The following FAM168A variants were observed in gnomAD, a reference collection of about 807,000 sequenced individuals.
FAM168A encodes the protein family with sequence similarity 168 member A.
A neutral mutation model predicts 28.5 loss-of-function variants in FAM168A; 3 were observed. That is an observed-to-expected ratio of 0.11 (90% CI 0.05 to 0.27). The LOEUF is 0.27. Ranked by LOEUF, FAM168A falls within the 10% of genes least tolerant of loss-of-function variation. The pLI is 1.00. For synonymous variants in FAM168A, 122 were observed against 124.2 expected (o/e 0.98, Z 0.12); for missense variants, 222 against 311.5 (o/e 0.71, Z 2.16).
intron 3 of FAM168A, among the ~76,000 whole-genome samples, chr11:73,422,400 A>G (rs966556007): frequency 5.3e-5 from 8 of 152,228 alleles, no homozygotes; most frequent in Non-Finnish European, 1.0e-4. Context: ...TATAATTTAC[A>G]TAACTAGATA....
intron 2 of FAM168A, among the ~76,000 whole-genome samples, chr11:73,436,549 A>T (rs986971722): frequency 2.0e-5 from 3 of 152,176 alleles, no homozygotes; most frequent in African/African-American, 7.2e-5. Flanking sequence ...TTCTCTCAAG[A>T]TAATAAAGAA....
intron 1 of FAM168A, among the ~76,000 whole-genome samples, chr11:73,496,903 A>ACACACACACACACACACG (rs1555027763): frequency 4.7e-5 from 7 of 148,604 alleles, no homozygotes; most frequent in African/African-American, 1.8e-4. Context: ...ACACACACAC[A>ACACACACACACACACACG]CACGCACACA....
chr11:73,417,228 TGA>T (rs1373462110), intron 4 of FAM168A, among the ~76,000 whole-genome samples: 1 of 152,340 alleles, frequency 6.6e-6, no homozygotes, highest in African/African-American at 2.4e-5. Flanking sequence ...ATCATCTTGC[TGA>T]GAGATAAGGA....
intron 2 of FAM168A, among the ~76,000 whole-genome samples, chr11:73,464,766 TTG>T (rs1174307375): frequency 6.6e-6 from 1 of 152,230 alleles, no homozygotes; most frequent in Non-Finnish European, 1.5e-5. Flanking sequence ...TATTTTCTAA[TTG>T]TGTTTTGGAA....
intron 1 of FAM168A, 70 bp from the exon 2 acceptor site, chr11:73,468,562 A>G: frequency 1.6e-6 from 2 of 1,256,364 alleles, no homozygotes; most frequent in Non-Finnish European, 2.3e-6. Context: ...CTTCTCCTCC[A>G]TAATCTTCAG....
intron 1 of FAM168A, among the ~76,000 whole-genome samples, chr11:73,555,484 C>A (rs1590851947): frequency 6.6e-6 from 1 of 151,770 alleles, no homozygotes; most frequent in East Asian, 1.9e-4. Context: ...GCGGGTGGAT[C>A]TCTTGAGGTC....
intron 1 of FAM168A, among the ~76,000 whole-genome samples, chr11:73,587,998 C>T (rs1465211365): frequency 6.6e-6 from 1 of 152,160 alleles, no homozygotes; most frequent in Non-Finnish European, 1.5e-5. Context: ...GATCCACCCA[C>T]CTCGGCCTCC....
At chr11:73,494,054 C>T (rs1171813980) in intron 1 of FAM168A, among the ~76,000 whole-genome samples, 1 of 152,116 alleles carries the variant, frequency 6.6e-6, no homozygotes, top group Non-Finnish European at 1.5e-5. Flanking sequence ...CTATGGAGTG[C>T]CCCACTGGCT....
At chr11:73,569,053 G>C (rs756548852) in intron 1 of FAM168A, among the ~76,000 whole-genome samples, 10 of 152,104 alleles carry the variant, frequency 6.6e-5, no homozygotes, top group Non-Finnish European at 1.3e-4. Context: ...AAATGCTTAA[G>C]TGTAATCCCT....
At chr11:73,583,930 G>A (rs1053877543) in intron 1 of FAM168A, among the ~76,000 whole-genome samples, 2 of 152,166 alleles carry the variant, frequency 1.3e-5, no homozygotes, top group Non-Finnish European at 2.9e-5. Flanking sequence ...CTCCTATCTA[G>A]GAGACAGTGT....
intron 1 of FAM168A, among the ~76,000 whole-genome samples, chr11:73,500,652 AC>A (rs1163029462): frequency 6.6e-6 from 1 of 152,186 alleles, no homozygotes; most frequent in Non-Finnish European, 1.5e-5. Flanking sequence ...GGATTTCATT[AC>A]CACCAGGCCT....
chr11:73,426,546 G>A (rs1329924711), intron 3 of FAM168A, among the ~76,000 whole-genome samples: 3 of 152,224 alleles, frequency 2.0e-5, no homozygotes, highest in African/African-American at 7.2e-5. Context: ...GCAGGAAGGT[G>A]AGAGTAACCT....
At chr11:73,496,623 C>A (rs936513417) in intron 1 of FAM168A, among the ~76,000 whole-genome samples, 1 of 152,186 alleles carries the variant, frequency 6.6e-6, no homozygotes, top group Non-Finnish European at 1.5e-5. Flanking sequence ...TGCAGTGGCG[C>A]GATCTCGGCT....
intron 1 of FAM168A, among the ~76,000 whole-genome samples, chr11:73,593,445 G>A (rs1944405479): frequency 6.6e-6 from 1 of 152,178 alleles, no homozygotes; most frequent in Non-Finnish European, 1.5e-5. Context: ...CCTTAAACAA[G>A]TCATTTAACC....
intron 2 of FAM168A, among the ~76,000 whole-genome samples, chr11:73,455,393 G>A (rs1437874856): frequency 6.6e-6 from 1 of 152,342 alleles, no homozygotes; most frequent in East Asian, 1.9e-4. Flanking sequence ...CGCAAGTCCA[G>A]CAAAGGGGTC....
At chr11:73,458,969 G>A (rs1356930969) in intron 2 of FAM168A, among the ~76,000 whole-genome samples, 3 of 152,192 alleles carry the variant, frequency 2.0e-5, no homozygotes, top group Non-Finnish European at 2.9e-5. Flanking sequence ...ATCACAAATC[G>A]TAACTTTAAG....
At chr11:73,408,798 AC>A (rs1866554946) in intron 6 of FAM168A, among the ~76,000 whole-genome samples, 1 of 151,292 alleles carries the variant, frequency 6.6e-6, no homozygotes, top group African/African-American at 2.4e-5. Context: ...AAAAAAAAAA[AC>A]CTAACAGTCC....
At chr11:73,509,852 G>A (rs1393745486) in intron 1 of FAM168A, among the ~76,000 whole-genome samples, 2 of 151,878 alleles carry the variant, frequency 1.3e-5, no homozygotes, top group East Asian at 1.9e-4. Flanking sequence ...TCAAATCCTG[G>A]CCATCCTTCA....
chr11:73,457,723 CAAAAAAAAAAAAAAAA>C (rs58142151), intron 2 of FAM168A, among the ~76,000 whole-genome samples: 156 of 37,544 alleles, frequency 4.2e-3, no homozygotes, highest in African/African-American at 7.7e-3. Flanking sequence ...GCCTGGGTGA[CAAAAAAAAAAAAAAAA>C]AAAAAAAAAA....
Sources: allele counts gnomAD v4.1 joint callset (sites outside exome capture counted in the v4.1 genomes callset), GRCh38; gene constraint gnomAD v4.1.1; transcripts MANE v1.5; gene names NCBI Gene and HGNC (gene_info 2026-07-23, HGNC 2026-07-21).